CATSPERD: variants seen among roughly 807,000 people sequenced by gnomAD.
CATSPERD encodes catsper channel auxiliary subunit delta.
In CATSPERD, 86 loss-of-function variants were observed where a neutral mutation model predicts 98.1. That is an observed-to-expected ratio of 0.88 (90% CI 0.74 to 1.05). CATSPERD has a LOEUF of 1.05. Ranked by LOEUF, CATSPERD falls within the 50% of genes least tolerant of loss-of-function variation. The pLI, the probability that CATSPERD is intolerant of heterozygous loss-of-function variation, is 0.00. For synonymous variants in CATSPERD, 394 were observed against 390.2 expected (o/e 1.01, Z -0.12); for missense variants, 995 against 1,005.7 (o/e 0.99, Z 0.14).
intron 5 of CATSPERD, 53 bp from the exon 6 acceptor site, chr19:5,737,085 T>C (rs1481328583): frequency 7.9e-7 from 1 of 1,271,376 alleles, no homozygotes; most frequent in African/African-American, 1.5e-5. Context: ...AAAAAACTTT[T>C]CTCCAAACTT....
At chr19:5,737,275 T>C (rs1004094484) in intron 6 of CATSPERD, 70 bp downstream of exon 6, 1 of 1,107,782 alleles carries the variant, frequency 9.0e-7, no homozygotes, top group East Asian at 2.4e-5. Flanking sequence ...TGAGTAGACA[T>C]AAAGGCTGGG....
chr19:5,722,730 A>C (rs1488776525), intron 1 of CATSPERD, among the ~76,000 whole-genome samples: 72 of 140,054 alleles, frequency 5.1e-4, no homozygotes, highest in African/African-American at 1.1e-3. Flanking sequence ...GTTTATCAAG[A>C]CCCCCCCCCC....
chr19:5,774,451 G>T (rs1213333926), intron 20 of CATSPERD, among the ~76,000 whole-genome samples: 1 of 151,772 alleles, frequency 6.6e-6, no homozygotes, highest in Non-Finnish European at 1.5e-5. Context: ...CCAGCACTTT[G>T]GGAGGCCAAG....
At chr19:5,748,073 G>A in intron 9 of CATSPERD, 87 bp from the exon 10 acceptor site, 1 of 1,065,186 alleles carries the variant, frequency 9.4e-7, no homozygotes, top group East Asian at 2.4e-5. Context: ...GTTGGGTGGT[G>A]GCAGGGGTGG....
At chr19:5,773,693 CTT>C (rs71172770) in intron 20 of CATSPERD, among the ~76,000 whole-genome samples, 9,793 of 121,380 alleles carry the variant, frequency 0.081, 686 homozygotes, top group African/African-American at 0.21. Flanking sequence ...ATTTTTGTAT[CTT>C]TTTTTTTTTT....
intron 2 of CATSPERD, among the ~76,000 whole-genome samples, chr19:5,726,367 A>AT (rs1252233673): frequency 6.6e-6 from 1 of 151,660 alleles, no homozygotes; most frequent in African/African-American, 2.4e-5. Context: ...TTTGGCCTGA[A>AT]TTTTTTTAAT....
intron 16 of CATSPERD, among the ~76,000 whole-genome samples, chr19:5,764,411 G>A (rs2056501333): frequency 6.6e-6 from 1 of 151,762 alleles, no homozygotes; most frequent in African/African-American, 2.4e-5. Flanking sequence ...CACCTCCCGG[G>A]TTCACGCCAT....
chr19:5,754,050 T>C, intron 12 of CATSPERD, 82 bp from the exon 13 acceptor site: 1 of 883,036 alleles, frequency 1.1e-6, no homozygotes, highest in Non-Finnish European at 1.9e-6. Flanking sequence ...ACCAGGAGGG[T>C]CCCTTCCTCC....
intron 17 of CATSPERD, among the ~76,000 whole-genome samples, chr19:5,767,451 C>T (rs931509510): frequency 2.7e-5 from 4 of 150,856 alleles, no homozygotes; most frequent in Admixed American, 2.6e-4. Flanking sequence ...TTGGCAACTG[C>T]TCATGCATTA....
At chr19:5,741,390 C>T (rs1009656568) in intron 7 of CATSPERD, among the ~76,000 whole-genome samples, 7 of 152,064 alleles carry the variant, frequency 4.6e-5, no homozygotes, top group South Asian at 2.1e-4. Context: ...AAGATCAAGA[C>T]GCCAGCAAGG....
intron 3 of CATSPERD, among the ~76,000 whole-genome samples, chr19:5,729,149 G>A (rs1025998773): frequency 1.3e-5 from 2 of 151,594 alleles, no homozygotes; most frequent in Non-Finnish European, 2.9e-5. Flanking sequence ...AGGCTGGCGT[G>A]CAGTGGCATG....
chr19:5,732,228 C>T (rs2055739889), intron 4 of CATSPERD, among the ~76,000 whole-genome samples: 1 of 151,886 alleles, frequency 6.6e-6, no homozygotes, highest in Admixed American at 6.6e-5. Flanking sequence ...GTCTTGTTCT[C>T]CCAGAGTGCT....
In CATSPERD at chr19:5,742,204, GTGTGCATGTGTGTACA is replaced by G. The variant is rs1193426337; in HGVS notation, c.574-2218_574-2203del. Among the ~76,000 whole-genome samples, 145 of 118,258 alleles carry G rather than the reference GTGTGCATGTGTGTACA, an allele frequency of 1.2e-3. 1 individual carries two copies. The highest frequency in any genetic ancestry group is 7.9e-5 in the Non-Finnish European group (4 of 50,826). 77.6% of individuals were successfully genotyped at this position (118,258 alleles called of 152,430 possible). On this transcript the variant is annotated intron_variant, in intron 7 of 21. Coordinates refer to ENST00000381624, the MANE Select transcript of CATSPERD (RefSeq NM_152784.4). ...TATGTGAACGTGTGTGCGTGTACAT[GTGTGCATGTGTGTACA>G]TGTGTGTGCGTGTGTGTACGTATGT...
At chr19:5,740,621 G>C (rs1451558123) in intron 7 of CATSPERD, among the ~76,000 whole-genome samples, 1 of 151,450 alleles carries the variant, frequency 6.6e-6, no homozygotes. Flanking sequence ...ACAAAAACTG[G>C]CTGGGTGTAT....
chr19:5,754,264 T>C lies in CATSPERD; in HGVS notation c.1278+19T>C. 1 of 1,563,438 alleles carries C rather than the reference T, an allele frequency of 6.4e-7. No homozygotes were observed. The highest frequency in any genetic ancestry group is 8.8e-7 in the Non-Finnish European group (1 of 1,134,600). On this transcript the variant is annotated intron_variant, in intron 13 of 21. Coordinates refer to ENST00000381624, the MANE Select transcript of CATSPERD (RefSeq NM_152784.4). ...TCCTCTGGTAAGTACATCTTAATGT[T>C]TCTGCTATCTGGGATTCTCAGCCAC... is the stretch of plus-strand genomic sequence containing the variant.
Position 5,763,146 on chromosome 19 carries a change from G to T in CATSPERD, c.1428-69G>T. 6.9e-6 allele frequency: 8 copies of T among 1,154,572 alleles called. 1 individual carries two copies. The South Asian group carries it at 1.0e-4, about 14-fold the overall frequency. 71.5% of individuals were successfully genotyped at this position (1,154,572 alleles called of 1,614,324 possible). On this transcript the variant is annotated intron_variant, in intron 15 of 21. Transcript: ENST00000381624. ...CGGATGACTGAATGGACTGAAGGAT[G>T]AATGGAATGCAGCTGTGTCGTTTAC...
chr19:5,770,154 G>A (rs978035456), intron 18 of CATSPERD, among the ~76,000 whole-genome samples: 3 of 150,092 alleles, frequency 2.0e-5, no homozygotes, highest in African/African-American at 2.5e-5. Flanking sequence ...CCGGCCGGGC[G>A]CAGTGGGTCA....
rs560696127 is a variant in CATSPERD at position 5,759,256 on chromosome 19, A to G, written c.1427+112A>G. On this transcript the variant is annotated intron_variant, in intron 15 of 21. Coordinates refer to ENST00000381624, the MANE Select transcript of CATSPERD (RefSeq NM_152784.4). Reference sequence around the variant, plus strand: ...ACCCCCAGCTCCAGAACAGTAAAACAAGGCGATTACAACACTTTACAAGAG... The same window carrying G: ...ACCCCCAGCTCCAGAACAGTAAAACGAGGCGATTACAACACTTTACAAGAG... 11 of 1,015,358 alleles carry G rather than the reference A, an allele frequency of 1.1e-5. No homozygotes were observed. In the South Asian group the frequency reaches 1.3e-4, roughly 12 times the overall value. The allele number at this position is 1,015,358 out of a possible 1,614,324, so 62.9% of individuals were successfully genotyped here.
chr19:5,722,510 A>G (rs1036025129), intron 1 of CATSPERD, among the ~76,000 whole-genome samples: 1 of 152,110 alleles, frequency 6.6e-6, no homozygotes, highest in Non-Finnish European at 1.5e-5. Flanking sequence ...TGGGAGAAAC[A>G]TTTTCCAGTG....
Sources: gnomAD v4.1 joint callset for allele counts (sites outside exome capture counted in the v4.1 genomes callset) on GRCh38, gnomAD v4.1.1 for gene constraint, MANE v1.5 for transcripts, NCBI Gene and HGNC (gene_info 2026-07-23, HGNC 2026-07-21) for gene names.